Variants in TRAPPC13 observed in about 807,000 individuals in gnomAD.
TRAPPC13 encodes trafficking protein particle complex subunit 13, also known as REV7-interacting novel NHEJ regulator 1.
A neutral mutation model predicts 54.0 loss-of-function variants in TRAPPC13; 39 were observed. The observed-to-expected ratio is 0.72, with a 90% CI of 0.56 to 0.94. The LOEUF is 0.94. Ranked by LOEUF, TRAPPC13 falls within the 40% of genes least tolerant of loss-of-function variation. The pLI is 0.00. For missense variants in TRAPPC13, 386 were observed against 488.1 expected (o/e 0.79, Z 1.97); for synonymous variants, 148 against 167.7 (o/e 0.88, Z 0.91).
chr5:65,649,921 A>G (rs1329917493), intron 5 of TRAPPC13, among the ~76,000 whole-genome samples: 2 of 149,744 alleles, frequency 1.3e-5, no homozygotes, highest in Non-Finnish European at 3.0e-5. Context: ...CAGTGGCGCA[A>G]TCTCAGCTCA....
At chr5:65,658,580 GTTTT>G (rs925207592) in intron 9 of TRAPPC13, 79 bp downstream of exon 9, 26 of 1,224,476 alleles carry the variant, frequency 2.1e-5, no homozygotes, top group African/African-American at 2.1e-4. Flanking sequence ...TCTTCAGTGG[GTTTT>G]TTTTTAATAG....
chr5:65,653,850 C>T (rs770037972), intron 7 of TRAPPC13, among the ~76,000 whole-genome samples: 9 of 152,192 alleles, frequency 5.9e-5, no homozygotes, highest in Middle Eastern at 3.4e-3. Context: ...TGGAGTAATA[C>T]GCATTTATTC....
At chr5:65,651,656 G>A (rs1490100089) in intron 6 of TRAPPC13, among the ~76,000 whole-genome samples, 2 of 149,128 alleles carry the variant, frequency 1.3e-5, no homozygotes, top group Admixed American at 6.7e-5. Flanking sequence ...TGGGGGGGGT[G>A]GTGAGGAAAT....
intron 11 of TRAPPC13, chr5:65,662,358 T>C: frequency 2.6e-6 from 1 of 389,084 alleles, no homozygotes; most frequent in African/African-American, 2.1e-5. Context: ...ATCTTCTGTA[T>C]TTTATTTCAT....
chr5:65,635,547 C>T (rs1367300063), intron 2 of TRAPPC13, among the ~76,000 whole-genome samples, 178 bp downstream of exon 2: 1 of 152,220 alleles, frequency 6.6e-6, no homozygotes, highest in Non-Finnish European at 1.5e-5. Flanking sequence ...CTTACTTATA[C>T]TCTACAAGTC....
chr5:65,661,926 A>C, intron 10 of TRAPPC13, 124 bp from the exon 11 acceptor site: 3 of 579,122 alleles, frequency 5.2e-6, no homozygotes, highest in Non-Finnish European at 8.6e-6. Context: ...AATCAGAAGT[A>C]TTTTCTTAGA....
At position 65,665,617 on chromosome 5, in the gene TRAPPC13, T is replaced by G. The variant is rs1392513522; in HGVS notation, c.*1006T>G. On this transcript the variant is annotated 3_prime_UTR_variant, in exon 13 of 13. Coordinates refer to ENST00000399438, the MANE Select transcript of TRAPPC13 (RefSeq NM_024941.4). Reference sequence around the variant, plus strand: ...ACCCCTGGGTTTTTTTCTCATTGATTAAGCCACTTATTTTTATAAGGTATA... The same window carrying G: ...ACCCCTGGGTTTTTTTCTCATTGATGAAGCCACTTATTTTTATAAGGTATA... 1.3e-5 allele frequency: 2 copies of G among 152,144 alleles called. No homozygotes were observed. The highest frequency in any genetic ancestry group is 2.4e-5 in the African/African-American group (1 of 41,458). 9.4% of individuals were successfully genotyped at this position (152,144 alleles called of 1,614,324 possible).
chr5:65,649,227 C>G (rs1756330054), intron 5 of TRAPPC13, among the ~76,000 whole-genome samples: 1 of 150,876 alleles, frequency 6.6e-6, no homozygotes, highest in Non-Finnish European at 1.5e-5. Context: ...AAAAAAGAAA[C>G]TTTTTTTTTA....
intron 8 of TRAPPC13, among the ~76,000 whole-genome samples, chr5:65,657,573 A>AT (rs1756698735): frequency 6.6e-6 from 1 of 152,234 alleles, no homozygotes; most frequent in South Asian, 2.1e-4. Flanking sequence ...ATGAAGGAAA[A>AT]TAATAACCAA....
chr5:65,661,370 T>G (rs1756846444), intron 10 of TRAPPC13: 1 of 152,514 alleles, frequency 6.6e-6, no homozygotes, highest in South Asian at 2.1e-4. Flanking sequence ...TTTACCTAAT[T>G]TCTTCTCTGA....
chr5:65,664,101 A>G (rs1756940029), intron 11 of TRAPPC13, 136 bp from the exon 12 acceptor site: 1 of 914,476 alleles, frequency 1.1e-6, no homozygotes, highest in South Asian at 1.7e-5. Context: ...AAAAAATGTT[A>G]TAATAGCTTT....
chr5:65,647,222 A>T (rs752616369), intron 5 of TRAPPC13, 40 bp downstream of exon 5: 6 of 1,525,918 alleles, frequency 3.9e-6, no homozygotes, highest in Non-Finnish European at 5.3e-6. Context: ...GTTTTTACTT[A>T]TATATGCCTT....
At chr5:65,636,627 A>G (rs998823609) in intron 3 of TRAPPC13, among the ~76,000 whole-genome samples, 1 of 152,200 alleles carries the variant, frequency 6.6e-6, no homozygotes, top group Non-Finnish European at 1.5e-5. Flanking sequence ...TCTTTTAACT[A>G]CTAATGTAAA....
At chr5:65,658,695 C>G (rs750852999) in intron 9 of TRAPPC13, among the ~76,000 whole-genome samples, 194 bp downstream of exon 9, 2 of 138,658 alleles carry the variant, frequency 1.4e-5, no homozygotes, top group Non-Finnish European at 3.3e-5. Flanking sequence ...TTATTTACGT[C>G]TTGTTTTTTA....
rs775729522 is a variant in TRAPPC13, at chr5:65,664,381, G to A, written c.1143G>A (p.Leu381=). The stretch of plus-strand genomic sequence containing the variant: ...CTCTGCTTTCTTCAGTACAGGGACT[G>A]CAAGTATGCTGTCTTTTCAAAAATT... ...ALTLLSSVQG[L]QSISGLRLTD... Residue 381 remains leucine (L), a synonymous_variant, in exon 12 of 13, where the codon CTG becomes CTA. Transcript: ENST00000399438. The A allele has an allele frequency of 8.1e-6, 13 of 1,609,190 alleles. No individual in the cohort carries two copies. Among genetic ancestry groups the A allele is most frequent in the Non-Finnish European group, 1.0e-5 (12 of 1,178,280 alleles).
chr5:65,652,826 G>A (rs1756519031), intron 7 of TRAPPC13: 6 of 424,144 alleles, frequency 1.4e-5, no homozygotes, highest in South Asian at 1.4e-4. Context: ...CCATTTAATG[G>A]TGGTTGTTAC....
chr5:65,654,136 G>A (rs956936156), intron 7 of TRAPPC13, among the ~76,000 whole-genome samples: 8 of 151,890 alleles, frequency 5.3e-5, no homozygotes, highest in South Asian at 2.1e-4. Context: ...GTTTTATAAC[G>A]CTAATATTCA....
intron 5 of TRAPPC13, among the ~76,000 whole-genome samples, chr5:65,647,695 A>G (rs1756266705): frequency 6.6e-6 from 1 of 152,042 alleles, no homozygotes; most frequent in Non-Finnish European, 1.5e-5. Flanking sequence ...TCTGAGAGGC[A>G]ATATGAAAAT....
At chr5:65,638,697 A>G (rs1466225167) in intron 4 of TRAPPC13, among the ~76,000 whole-genome samples, 1 of 152,208 alleles carries the variant, frequency 6.6e-6, no homozygotes, top group Non-Finnish European at 1.5e-5. Context: ...GGGGACAATC[A>G]TGGCGGAAGG....
Sources: allele counts gnomAD v4.1 joint callset (sites outside exome capture counted in the v4.1 genomes callset), GRCh38; gene constraint gnomAD v4.1.1; transcripts MANE v1.5; gene names NCBI Gene and HGNC (gene_info 2026-07-23, HGNC 2026-07-21).